Variants in CCL28 observed in about 807,000 individuals in gnomAD.
CCL28 encodes the protein C-C motif chemokine ligand 28.
CCL28 carries 4 observed loss-of-function variants against 7.1 expected under a neutral mutation model. The observed-to-expected ratio is 0.56, with a 90% CI of 0.28 to 1.29. The LOEUF is 1.29. CCL28 is among the 50% of genes most tolerant of loss of function. The pLI, the probability that CCL28 is intolerant of heterozygous loss-of-function variation, is 0.11. For missense variants in CCL28, 151 were observed against 163.4 expected, an observed-to-expected ratio of 0.92 and a Z score of 0.41; for synonymous variants, 55 against 57.8, an observed-to-expected ratio of 0.95 and a Z score of 0.22.
chr5:43,376,402 A>G (rs960860492), downstream of CCL28, among the ~76,000 whole-genome samples: 6 of 152,204 alleles, frequency 3.9e-5, no homozygotes, highest in African/African-American at 9.6e-5. Flanking sequence ...AGTACATGGG[A>G]GAGCCCCCCA....
At chr5:43,390,984 T>G (rs1275776775) in intron 1 of CCL28, among the ~76,000 whole-genome samples, 1 of 152,232 alleles carries the variant, frequency 6.6e-6, no homozygotes, top group Non-Finnish European at 1.5e-5. Flanking sequence ...ATCAGTTTGC[T>G]CTGGCATTTT....
chr5:43,384,220 G>A (rs1299683631), intron 2 of CCL28, among the ~76,000 whole-genome samples: 1 of 152,200 alleles, frequency 6.6e-6, no homozygotes, highest in Non-Finnish European at 1.5e-5. Context: ...TGGCACCGGG[G>A]CTGAAGGAGA....
At chr5:43,365,849 G>T in the CCL28 span, among the ~76,000 whole-genome samples, 1 of 152,140 alleles carries the variant, frequency 6.6e-6, no homozygotes, top group Non-Finnish European at 1.5e-5. Context: ...TGGAGGCTTT[G>T]TTCATTCCTT....
rs557578376 is a variant in CCL28, at chr5:43,407,707, AC to A, written c.64+4545del. ...AAAATACCATCAGAGTGAACAGGCA[AC>A]CTACAGAATGGGAGAAAAATTTTTA... On this transcript the variant is annotated intron_variant, in intron 1 of 2. Transcript: ENST00000361115. 2.6e-3 allele frequency among the ~76,000 whole-genome samples: 400 copies of A among 152,360 alleles called. 2 individuals are homozygous for A. The highest frequency in any genetic ancestry group is 9.2e-3 in the African/African-American group (381 of 41,596).
the CCL28 span, among the ~76,000 whole-genome samples, chr5:43,366,841 C>T: frequency 6.6e-6 from 1 of 152,228 alleles, no homozygotes; most frequent in Admixed American, 6.5e-5. Flanking sequence ...CAGAGATGCC[C>T]TGCCAGAGAG....
chr5:43,391,977 G>A (rs1740591147), intron 1 of CCL28, among the ~76,000 whole-genome samples: 1 of 152,030 alleles, frequency 6.6e-6, no homozygotes. Flanking sequence ...TGTCTCCTTG[G>A]GGCTTGTGTG....
At chr5:43,400,474 T>A (rs1341478802) in intron 1 of CCL28, among the ~76,000 whole-genome samples, 3 of 152,136 alleles carry the variant, frequency 2.0e-5, no homozygotes, top group Non-Finnish European at 2.9e-5. Flanking sequence ...CGTGATCCAC[T>A]GCGCCTGGCA....
At chr5:43,403,786 T>C (rs1258296147) in intron 1 of CCL28, among the ~76,000 whole-genome samples, 1 of 152,138 alleles carries the variant, frequency 6.6e-6, no homozygotes, top group African/African-American at 2.4e-5. Context: ...AATGGCTAAC[T>C]ATAATAACCA....
chr5:43,406,143 T>G (rs1380110035), intron 1 of CCL28, among the ~76,000 whole-genome samples: 3 of 152,178 alleles, frequency 2.0e-5, no homozygotes, highest in Non-Finnish European at 4.4e-5. Flanking sequence ...CCTAACTCAT[T>G]TTATGAGGCC....
chr5:43,395,403 G>T (rs1347857803), intron 1 of CCL28, among the ~76,000 whole-genome samples: 2 of 152,108 alleles, frequency 1.3e-5, no homozygotes, highest in African/African-American at 4.8e-5. Flanking sequence ...TGAGCCAGGT[G>T]TGGTGGCTCA....
At chr5:43,367,608 G>T in the CCL28 span, among the ~76,000 whole-genome samples, 2 of 151,710 alleles carry the variant, frequency 1.3e-5, no homozygotes, top group Non-Finnish European at 2.9e-5. Context: ...TACCTCAGTT[G>T]GAAATGCAGA....
At chr5:43,396,227 T>C (rs973763826) in intron 1 of CCL28, among the ~76,000 whole-genome samples, 1 of 152,176 alleles carries the variant, frequency 6.6e-6, no homozygotes, top group African/African-American at 2.4e-5. Context: ...ATGGCATTTG[T>C]AAACTGTCAT....
At position 43,381,832 on chromosome 5, in the gene CCL28, T is replaced by C; in HGVS notation, c.*28A>G. On this transcript the variant is annotated 3_prime_UTR_variant, in exon 3 of 3. Transcript: ENST00000361115. ...TCATGGCCAAGTCCACTTGAGGAAT[T>C]GTCTCTGTAGATTTATCTGTAGACT... The C allele has an allele frequency of 6.4e-7, 1 of 1,562,726 alleles. No individual in the cohort carries two copies. The highest frequency in any genetic ancestry group is 8.7e-7 in the Non-Finnish European group (1 of 1,144,246).
chr5:43,367,507 C>T, the CCL28 span, among the ~76,000 whole-genome samples: 22 of 152,334 alleles, frequency 1.4e-4, no homozygotes, highest in South Asian at 8.3e-4. Context: ...ACCCCTTGTG[C>T]TTCCTGGGTG....
chr5:43,378,685 G>A (rs535431953), downstream of CCL28, among the ~76,000 whole-genome samples: 14 of 152,220 alleles, frequency 9.2e-5, no homozygotes, highest in African/African-American at 2.2e-4. Flanking sequence ...GGTTTTGGCC[G>A]GGCGCGGTGG....
intron 1 of CCL28, among the ~76,000 whole-genome samples, chr5:43,407,342 A>G (rs146915403): frequency 0.019 from 2,908 of 152,312 alleles, 44 homozygotes; most frequent in South Asian, 0.05. Flanking sequence ...AATACCACAC[A>G]TCTACAACCA....
At chr5:43,400,669 A>G (rs925624994) in intron 1 of CCL28, among the ~76,000 whole-genome samples, 3 of 152,250 alleles carry the variant, frequency 2.0e-5, no homozygotes, top group Non-Finnish European at 4.4e-5. Flanking sequence ...AGAACACAGC[A>G]AAATAGAAAC....
intron 2 of CCL28, among the ~76,000 whole-genome samples, chr5:43,386,496 C>T (rs1269336665): frequency 6.6e-6 from 1 of 152,166 alleles, no homozygotes; most frequent in African/African-American, 2.4e-5. Flanking sequence ...TCAGGCTTCT[C>T]CCTTCTCCCA....
At chr5:43,387,170 G>T (rs563988001) in intron 2 of CCL28, among the ~76,000 whole-genome samples, 1 of 152,206 alleles carries the variant, frequency 6.6e-6, no homozygotes, top group East Asian at 1.9e-4. Flanking sequence ...GTTTGGAGAG[G>T]GTATTTTATG....
Sources: allele counts gnomAD v4.1 joint callset (sites outside exome capture counted in the v4.1 genomes callset), GRCh38; gene constraint gnomAD v4.1.1; transcripts MANE v1.5; gene names NCBI Gene and HGNC (gene_info 2026-07-23, HGNC 2026-07-21).